IPO13: variants seen among roughly 807,000 people sequenced by gnomAD.
IPO13 encodes importin-13.
IPO13 carries 28 observed loss-of-function variants against 115.5 expected under a neutral mutation model. The observed-to-expected ratio is 0.24, with a 90% CI of 0.18 to 0.33. The LOEUF (loss-of-function observed/expected upper bound fraction) is 0.33, where lower values mean the gene tolerates loss of function less well. IPO13 is among the 10% of genes least tolerant of loss of function. The pLI, the probability that IPO13 is intolerant of heterozygous loss-of-function variation, is 1.00. For synonymous variants in IPO13, 414 were observed against 478.9 expected (o/e 0.86, Z 1.77); for missense variants, 785 against 1,204.6 (o/e 0.65, Z 5.16).
chr1:43,959,041 C>T, intron 11 of IPO13, 152 bp downstream of exon 11: 1 of 695,234 alleles, frequency 1.4e-6, no homozygotes, highest in Non-Finnish European at 2.4e-6. Flanking sequence ...TCCTCTGACT[C>T]CATGAATGAC....
At chr1:43,959,501 A>G (rs574077671) in intron 11 of IPO13, among the ~76,000 whole-genome samples, 1 of 152,340 alleles carries the variant, frequency 6.6e-6, no homozygotes, top group South Asian at 2.1e-4. Flanking sequence ...GGCTTACTCA[A>G]TTCATAGAAC....
In IPO13 at chr1:43,949,913, TG is replaced by T; in HGVS notation, c.583del (p.Ala195ArgfsTer70). On this transcript the variant is annotated frameshift_variant, in exon 2 of 20. Transcript: ENST00000372343. LOFTEE classifies it high-confidence loss of function. Reference sequence around the variant, plus strand: ...CGCAAAGGCCTGGTGCGGACCAGCCTGGCGGTGGAATGTGGGGCTGTCTTCC... The same window carrying T: ...CGCAAAGGCCTGGTGCGGACCAGCCTGCGGTGGAATGTGGGGCTGTCTTCC... ...QYRKGLVRTSLAVECGAVFPL... is the reference protein window; with the variant it reads ...QYRKGLVRTSXAVECGAVFPL... 6.2e-7 allele frequency: 1 copy of T among 1,610,476 alleles called. No homozygotes were observed. Among genetic ancestry groups the T allele is most frequent in the Non-Finnish European group, 8.5e-7 (1 of 1,179,732 alleles).
At chr1:43,960,546 ACAGT>A (rs1221014841) in intron 12 of IPO13, among the ~76,000 whole-genome samples, 4 of 152,224 alleles carry the variant, frequency 2.6e-5, no homozygotes, top group African/African-American at 9.6e-5. Flanking sequence ...GGGTCGAGTG[ACAGT>A]CAGGCATCTG....
At chr1:43,957,591 C>T (rs777696126) in intron 7 of IPO13, 42 bp downstream of exon 7, 2 of 1,608,296 alleles carry the variant, frequency 1.2e-6, no homozygotes, top group Non-Finnish European at 8.5e-7. Flanking sequence ...CCCAGAGCCA[C>T]AGCACCCAAC....
At position 43,967,508 on chromosome 1, in the gene IPO13, TG is replaced by T. The variant is rs763382405; in HGVS notation, c.2795+16del. Reference sequence around the variant, plus strand: ...CAGCAGATCCTTCGGTGAGCAGAGCTGGGGTGGGCCTGGGGTCAGGCAGAGA... The same window carrying T: ...CAGCAGATCCTTCGGTGAGCAGAGCTGGGTGGGCCTGGGGTCAGGCAGAGA... On this transcript the variant is annotated intron_variant, in intron 19 of 19. Coordinates refer to ENST00000372343, the MANE Select transcript of IPO13 (RefSeq NM_014652.4). This position sits in a 1 kb window ranked among gnomAD's most constrained non-coding sequence, Gnocchi z 6.1. 1 of 1,614,002 alleles carries T rather than the reference TG, an allele frequency of 6.2e-7. No homozygotes were observed. Among genetic ancestry groups the T allele is most frequent in the South Asian group, 1.1e-5 (1 of 91,066 alleles).
chr1:43,966,260 G>A lies in IPO13; in HGVS notation c.2398-315G>A, dbSNP rs2085323805. ...ACTGCTGGCAACCTAGAGCCTGCGA[G>A]ACATCTGGCCCTGATGGAGGGGGAG... On this transcript the variant is annotated intron_variant, in intron 15 of 19. Transcript: ENST00000372343. This position sits in a 1 kb window ranked among gnomAD's most constrained non-coding sequence, Gnocchi z 4.1. 2.1e-6 allele frequency: 1 copy of A among 479,326 alleles called. No individual in the cohort carries two copies. Among genetic ancestry groups the A allele is most frequent in the Non-Finnish European group, 3.8e-6 (1 of 260,692 alleles). 29.7% of individuals were successfully genotyped at this position (479,326 alleles called of 1,614,324 possible).
Position 43,966,155 on chromosome 1 carries a change from T to G in IPO13, c.2398-420T>G. ...GGGCTGTTGGGCTGAGGGCTCCCTG[T>G]CTGGCTGCCATCTCTTCTTCCTGCT... On this transcript the variant is annotated intron_variant, in intron 15 of 19. Coordinates refer to ENST00000372343, the MANE Select transcript of IPO13 (RefSeq NM_014652.4). This position sits in a 1 kb window ranked among gnomAD's most constrained non-coding sequence, Gnocchi z 4.1. 1 of 260,934 alleles carries G rather than the reference T, an allele frequency of 3.8e-6. No homozygotes were observed. The allele number at this position is 260,934 out of a possible 1,614,324, so 16.2% of individuals were successfully genotyped here.
chr1:43,956,515 T>G lies in IPO13; in HGVS notation c.963-45T>G, dbSNP rs1223883432. 1 of 1,613,916 alleles carries G rather than the reference T, an allele frequency of 6.2e-7. No homozygotes were observed. Among genetic ancestry groups the G allele is most frequent in the Non-Finnish European group, 8.5e-7 (1 of 1,179,942 alleles). ...AGTAGGGCCCTCTAAGAAATGGGGT[T>G]CTGGAAGTCCCTGGAAAGGTAGAAT... On this transcript the variant is annotated intron_variant, in intron 3 of 19. Coordinates refer to ENST00000372343, the MANE Select transcript of IPO13 (RefSeq NM_014652.4). The surrounding 1 kb of genome is among the most constrained non-coding windows in gnomAD (Gnocchi z 4.7).
rs201564264 is a variant in IPO13 at position 43,966,911 on chromosome 1, G to T, written c.2524-19G>T. 16 of 1,612,144 alleles carry T rather than the reference G, an allele frequency of 9.9e-6. 1 individual carries two copies. The South Asian group carries it at 1.4e-4, about 14-fold the overall frequency. Reference sequence around the variant, plus strand: ...AGCTGGGAAGGAGCTGGGCTGATGGGCCTCTCCATCCTCTGCAGACAGAGC... The same window carrying T: ...AGCTGGGAAGGAGCTGGGCTGATGGTCCTCTCCATCCTCTGCAGACAGAGC... On this transcript the variant is annotated intron_variant, in intron 17 of 19. Transcript: ENST00000372343. The surrounding 1 kb of genome is among the most constrained non-coding windows in gnomAD (Gnocchi z 4.1).
chr1:43,947,568 AGGGCCC>A lies in IPO13; in HGVS notation c.-32_-27del. On this transcript the variant is annotated 5_prime_UTR_variant, in exon 1 of 20. Transcript: ENST00000372343. ...AAGGGGCTGGGGCAGGAGACAGATC[AGGGCCC>A]ACCTCCCTGCCAGGGAGGGAGCAAA... is the stretch of plus-strand genomic sequence containing the variant. 2.5e-6 allele frequency: 3 copies of A among 1,216,492 alleles called. No individual in the cohort carries two copies. The highest frequency in any genetic ancestry group is 3.2e-6 in the Non-Finnish European group (3 of 946,366). The allele number at this position is 1,216,492 out of a possible 1,614,324, so 75.4% of individuals were successfully genotyped here.
rs745406995 is a variant in IPO13 at position 43,967,591 on chromosome 1, G to A, written c.2801G>A (p.Arg934Gln). ...DTFSQQILRE[R>Q]VNKRRVKEMV... is the part of the protein sequence containing the mutation. ...CTCTCCCTTTTCTCCTTCAGCGAGC[G>A]AGTGAACAAGAGGCGGGTGAAGGAG... The change falls in exon 20 of 20, where the codon CGA becomes CAA. Residue 934 changes from arginine (R) to glutamine (Q), a missense_variant. Physicochemically the swap from Arg to Gln is conservative, Grantham distance 43. Around this residue, in one of 3 missense-constraint regions of IPO13, gnomAD observed 285 missense variants for 394.8 expected, o/e 0.72. Coordinates refer to ENST00000372343, the MANE Select transcript of IPO13 (RefSeq NM_014652.4). This position sits in a 1 kb window ranked among gnomAD's most constrained non-coding sequence, Gnocchi z 6.1. The A allele has an allele frequency of 4.3e-6, 7 of 1,614,104 alleles. No individual in the cohort carries two copies. The highest frequency in any genetic ancestry group is 2.2e-5 in the South Asian group (2 of 91,094).
In IPO13 at chr1:43,956,285, G is replaced by A. The variant is rs1464319874; in HGVS notation, c.822-35G>A. On this transcript the variant is annotated intron_variant, in intron 2 of 19. Coordinates refer to ENST00000372343, the MANE Select transcript of IPO13 (RefSeq NM_014652.4). The surrounding 1 kb of genome is among the most constrained non-coding windows in gnomAD (Gnocchi z 4.7). ...TAAAGCCAGTGTGGGGTTGAGCAGAGAGCTCTGATGGATTTTCTCACCTCA... is the reference window on the plus strand; with the variant it reads ...TAAAGCCAGTGTGGGGTTGAGCAGAAAGCTCTGATGGATTTTCTCACCTCA... The A allele has an allele frequency of 1.2e-6, 2 of 1,612,140 alleles. No homozygotes were observed. Among genetic ancestry groups the A allele is most frequent in the South Asian group, 2.2e-5 (2 of 90,930 alleles).
At chr1:43,960,818 A>T (rs545908231) in intron 12 of IPO13, 58 bp from the exon 13 acceptor site, 64 of 1,602,698 alleles carry the variant, frequency 4.0e-5, no homozygotes, top group Non-Finnish European at 4.9e-5. Flanking sequence ...GCAGGGCTTC[A>T]GCGCTGTTCC....
Position 43,950,020 on chromosome 1 carries a change from G to T in IPO13, c.688G>T (p.Val230Leu). 3 of 1,613,490 alleles carry T rather than the reference G, an allele frequency of 1.9e-6. No homozygotes were observed. The highest frequency in any genetic ancestry group is 2.5e-6 in the Non-Finnish European group (3 of 1,179,884). ...QKVLKCFSSW[V>L]QLEVPLQDCE... ...GGTGCTCAAGTGTTTCTCCAGCTGG[G>T]TGCAGCTGGAGGTGCCGCTGCAGGA... is the stretch of plus-strand genomic sequence containing the variant. Residue 230 changes from valine (V) to leucine (L), a missense_variant, in exon 2 of 20, where the codon GTG (valine) becomes TTG (leucine). Physicochemically the swap from Val to Leu is conservative, Grantham distance 32. Coordinates refer to ENST00000372343, the MANE Select transcript of IPO13 (RefSeq NM_014652.4).
chr1:43,947,592 G>T lies in IPO13; in HGVS notation c.-9G>T. On this transcript the variant is annotated 5_prime_UTR_variant, in exon 1 of 20. Transcript: ENST00000372343. ...CAGGGCCCACCTCCCTGCCAGGGAG[G>T]GAGCAAAGATGGAGCGGCGGGAGGA... 7.7e-7 allele frequency: 1 copy of T among 1,301,682 alleles called. No individual in the cohort carries two copies. The highest frequency in any genetic ancestry group is 9.8e-7 in the Non-Finnish European group (1 of 1,015,284). 80.6% of individuals were successfully genotyped at this position (1,301,682 alleles called of 1,614,324 possible). A position where few individuals can be genotyped will look rare whatever the true frequency, so the allele number is the denominator to read the frequency against.
chr1:43,957,140 G>A, intron 5 of IPO13, 55 bp from the exon 6 acceptor site: 1 of 1,594,380 alleles, frequency 6.3e-7, no homozygotes, highest in Non-Finnish European at 8.6e-7. Flanking sequence ...GGGCTTGGGG[G>A]CAGGATCCAG....
rs766251205 is a variant in IPO13, at chr1:43,956,441, C to T, written c.943C>T (p.Leu315=). ...SHGICRIAVA[L]GENHSRALLD... The stretch of plus-strand genomic sequence containing the variant: ...TGGCATCTGTCGCATCGCTGTGGCC[C>T]TGGGCGAGAACCACTCCCGGTAAAG... The change falls in exon 3 of 20, where the codon CTG becomes TTG. Residue 315 remains leucine, a synonymous_variant. Coordinates refer to ENST00000372343, the MANE Select transcript of IPO13 (RefSeq NM_014652.4). This position sits in a 1 kb window ranked among gnomAD's most constrained non-coding sequence, Gnocchi z 4.7. 6.2e-7 allele frequency: 1 copy of T among 1,614,066 alleles called. No homozygotes were observed. Among genetic ancestry groups the T allele is most frequent in the Non-Finnish European group, 8.5e-7 (1 of 1,180,042 alleles).
At position 43,960,339 on chromosome 1, in the gene IPO13, G is replaced by C. The variant is rs902423064; in HGVS notation, c.2109+10G>C. 1 of 1,613,070 alleles carries C rather than the reference G, an allele frequency of 6.2e-7. No individual in the cohort carries two copies. The highest frequency in any genetic ancestry group is 1.3e-5 in the African/African-American group (1 of 75,036). On this transcript the variant is annotated intron_variant, in intron 12 of 19. Transcript: ENST00000372343. Reference sequence around the variant, plus strand: ...TGCCCAGGTTGTGGAGGTGAGCCCTGACCCTTGCCCTCCGCTCCCATAGTG... The same window carrying C: ...TGCCCAGGTTGTGGAGGTGAGCCCTCACCCTTGCCCTCCGCTCCCATAGTG...
chr1:43,960,251 G>T lies in IPO13; in HGVS notation c.2031G>T (p.Val677=). The T allele has an allele frequency of 6.2e-7, 1 of 1,614,122 alleles. No homozygotes were observed. Among genetic ancestry groups the T allele is most frequent in the Non-Finnish European group, 8.5e-7 (1 of 1,179,976 alleles). The change falls in exon 12 of 20, where the codon GTG becomes GTT. Residue 677 remains valine (V), a splice_region_variant and synonymous_variant. Coordinates refer to ENST00000372343, the MANE Select transcript of IPO13 (RefSeq NM_014652.4). ...CTCACTTCTTCCTGTGCCTTCAGGT[G>T]GTGGTGGTGCTGCAGCAGGTCTTCC... ...KLPVPQGPNP[V]VVVLQQVFQL...
Sources: gnomAD v4.1 joint callset for allele counts (sites outside exome capture counted in the v4.1 genomes callset) on GRCh38, gnomAD v4.1.1 for gene constraint, gnomAD v4.1.1 regional missense constraint, Gnocchi (gnomAD v3.1) non-coding constraint, MANE v1.5 for transcripts, NCBI Gene and HGNC (gene_info 2026-07-23, HGNC 2026-07-21) for gene names.